LGR6: variants seen among roughly 807,000 people sequenced by gnomAD.
LGR6 encodes leucine rich repeat containing G protein-coupled receptor 6, also known as leucine-rich repeat-containing G protein-coupled receptor 6.
LGR6 carries 45 observed loss-of-function variants against 69.4 expected under a neutral mutation model. That is an observed-to-expected ratio of 0.65 (90% CI 0.51 to 0.83). The LOEUF (loss-of-function observed/expected upper bound fraction) is 0.83. Among genes scored for constraint, LGR6 ranks in the 40% least tolerant of loss-of-function variants. The pLI is 0.00. For missense variants in LGR6, 1,108 were observed against 1,246.7 expected (o/e 0.89, Z 1.68); for synonymous variants, 538 against 555.0 (o/e 0.97, Z 0.43).
intron 3 of LGR6, among the ~76,000 whole-genome samples, chr1:202,234,866 G>C (rs899978397): frequency 1.3e-5 from 2 of 152,156 alleles, no homozygotes; most frequent in African/African-American, 4.8e-5. Context: ...ACACCATAAA[G>C]GGGTAATTGA....
At chr1:202,216,720 A>G (rs996417635) in intron 1 of LGR6, among the ~76,000 whole-genome samples, 16 of 152,108 alleles carry the variant, frequency 1.1e-4, no homozygotes, top group Admixed American at 9.2e-4. Context: ...GGCTGTTCTC[A>G]GGTCACACTG....
At chr1:202,315,144 A>G (rs959093009) in intron 17 of LGR6, among the ~76,000 whole-genome samples, 3 of 152,172 alleles carry the variant, frequency 2.0e-5, no homozygotes, top group African/African-American at 7.2e-5. Flanking sequence ...CCAGGATAAA[A>G]CTACTGTTAC....
chr1:202,308,182 G>C (rs1653413174), intron 14 of LGR6, among the ~76,000 whole-genome samples: 1 of 152,200 alleles, frequency 6.6e-6, no homozygotes, highest in East Asian at 1.9e-4. Flanking sequence ...TTTACTCAAA[G>C]CCAAGGGCCA....
intron 1 of LGR6, among the ~76,000 whole-genome samples, chr1:202,217,040 C>T (rs558914329): frequency 1.3e-5 from 2 of 152,272 alleles, no homozygotes; most frequent in Admixed American, 6.5e-5. Context: ...ACAGCTGTGC[C>T]GGGGAGAGCT....
chr1:202,305,191 T>A (rs1208298766), intron 11 of LGR6, among the ~76,000 whole-genome samples: 2 of 152,198 alleles, frequency 1.3e-5, no homozygotes. Flanking sequence ...TGCCACTGAC[T>A]GGTGGTGTGT....
chr1:202,278,577 G>A (rs978073404), intron 5 of LGR6, among the ~76,000 whole-genome samples: 1 of 152,118 alleles, frequency 6.6e-6, no homozygotes, highest in African/African-American at 2.4e-5. Context: ...CCAACTCATG[G>A]GATGGAGGAG....
chr1:202,232,176 G>A (rs1171856659), intron 3 of LGR6, among the ~76,000 whole-genome samples: 3 of 151,998 alleles, frequency 2.0e-5, no homozygotes, highest in African/African-American at 7.2e-5. Flanking sequence ...GTTAAAGTGA[G>A]TGAAGAGGGT....
chr1:202,200,062 C>T (rs1262812671), intron 1 of LGR6, among the ~76,000 whole-genome samples: 1 of 152,212 alleles, frequency 6.6e-6, no homozygotes, highest in Non-Finnish European at 1.5e-5. Flanking sequence ...CCTTCCCTCC[C>T]ACCCTCCTCC....
At chr1:202,231,723 C>A (rs1410585379) in intron 3 of LGR6, among the ~76,000 whole-genome samples, 1 of 152,186 alleles carries the variant, frequency 6.6e-6, no homozygotes, top group Admixed American at 6.5e-5. Flanking sequence ...TGATGTGCCA[C>A]CCTTGGACCT....
intron 6 of LGR6, among the ~76,000 whole-genome samples, chr1:202,283,986 A>T (rs529353530): frequency 6.6e-4 from 100 of 152,318 alleles, no homozygotes; most frequent in Non-Finnish European, 1.3e-3. Flanking sequence ...TACCTCAGAG[A>T]TGGGGAGAAA....
chr1:202,229,112 A>G (rs1479049762), intron 3 of LGR6, among the ~76,000 whole-genome samples: 4 of 152,150 alleles, frequency 2.6e-5, no homozygotes, highest in Non-Finnish European at 5.9e-5. Context: ...GCCTTGGCCC[A>G]TGAGTTCCAG....
intron 14 of LGR6, among the ~76,000 whole-genome samples, chr1:202,308,516 G>T (rs557477602): frequency 6.6e-6 from 1 of 152,124 alleles, no homozygotes; most frequent in Non-Finnish European, 1.5e-5. Context: ...GCATGTCCTC[G>T]CCTCTGGCTA....
intron 1 of LGR6, among the ~76,000 whole-genome samples, chr1:202,208,999 C>G (rs550101172): frequency 4.3e-4 from 66 of 152,112 alleles, no homozygotes; most frequent in Admixed American, 2.6e-4. Context: ...GCCCCTTACC[C>G]CTAACCTCGG....
At chr1:202,271,303 C>T (rs1665076865) in intron 4 of LGR6, among the ~76,000 whole-genome samples, 1 of 152,032 alleles carries the variant, frequency 6.6e-6, no homozygotes, top group African/African-American at 2.4e-5. Context: ...GCAGGGGAGC[C>T]TAGGACCCCC....
At chr1:202,271,934 G>C (rs890436931) in intron 4 of LGR6, among the ~76,000 whole-genome samples, 3 of 152,036 alleles carry the variant, frequency 2.0e-5, no homozygotes, top group African/African-American at 7.2e-5. Flanking sequence ...CCTCTAAGGG[G>C]GTGTTTGTCC....
At chr1:202,246,917 G>A (rs1384192618) in intron 4 of LGR6, among the ~76,000 whole-genome samples, 4 of 152,246 alleles carry the variant, frequency 2.6e-5, no homozygotes, top group South Asian at 2.1e-4. Context: ...AAGTGAGGAT[G>A]TAGGGAATTG....
chr1:202,314,525 T>C (rs187376248), intron 16 of LGR6, among the ~76,000 whole-genome samples: 110 of 152,310 alleles, frequency 7.2e-4, no homozygotes, highest in African/African-American at 2.6e-3. Context: ...TGGGTAAGGC[T>C]GACTGGAGAG....
intron 1 of LGR6, among the ~76,000 whole-genome samples, chr1:202,212,116 C>T (rs1386705194): frequency 6.6e-6 from 1 of 152,168 alleles, no homozygotes; most frequent in Non-Finnish European, 1.5e-5. Context: ...TGGCTACCAC[C>T]GCTATGAGCA....
chr1:202,248,110 G>A (rs1311244122), intron 4 of LGR6, among the ~76,000 whole-genome samples: 2 of 152,258 alleles, frequency 1.3e-5, no homozygotes, highest in African/African-American at 4.8e-5. Context: ...GGAAAAGGCG[G>A]CAAGCACACC....
Sources: allele counts gnomAD v4.1 joint callset (sites outside exome capture counted in the v4.1 genomes callset), GRCh38; gene constraint gnomAD v4.1.1; transcripts MANE v1.5; gene names NCBI Gene and HGNC (gene_info 2026-07-23, HGNC 2026-07-21).